The following ATP11A variants were observed in gnomAD, a reference collection of about 807,000 sequenced individuals.
ATP11A encodes the protein ATPase phospholipid transporting 11A.
ATP11A carries 81 observed loss-of-function variants against 154.4 expected under a neutral mutation model. That is an observed-to-expected ratio of 0.52 (90% CI 0.44 to 0.63). ATP11A has a LOEUF of 0.63. Among genes scored for constraint, ATP11A ranks in the 30% least tolerant of loss-of-function variants. ATP11A has a pLI of 0.00. For missense variants in ATP11A, 1,316 were observed against 1,474.3 expected (o/e 0.89, Z 1.76); for synonymous variants, 623 against 585.9 (o/e 1.06, Z -0.91).
chr13:112,792,677 T>C (rs899453666), intron 2 of ATP11A, among the ~76,000 whole-genome samples: 2 of 152,158 alleles, frequency 1.3e-5, no homozygotes, highest in Non-Finnish European at 2.9e-5. Context: ...TTGGGCAGTG[T>C]CAAAACCTGA....
intron 14 of ATP11A, among the ~76,000 whole-genome samples, 156 bp downstream of exon 14, chr13:112,833,179 C>T (rs1036586907): frequency 5.3e-5 from 8 of 152,166 alleles, no homozygotes; most frequent in East Asian, 1.9e-4. Flanking sequence ...TCTGGACCCC[C>T]GTCCCTGTAT....
At position 112,696,616 on chromosome 13, in the gene ATP11A, T is replaced by C. The variant is rs1312323466; in HGVS notation, c.39+6161T>C. Among the ~76,000 whole-genome samples, 2 of 152,118 alleles carry C rather than the reference T, an allele frequency of 1.3e-5. No homozygotes were observed. The highest frequency in any genetic ancestry group is 6.5e-5 in the Admixed American group (1 of 15,278). ...TCATTTTTGGCTTCCAGCTACCGTTTTTCTTAGGTTACCCCGCGTAGCTGG... is the reference window on the plus strand; with the variant it reads ...TCATTTTTGGCTTCCAGCTACCGTTCTTCTTAGGTTACCCCGCGTAGCTGG... On this transcript the variant is annotated intron_variant, in intron 1 of 29. Transcript: ENST00000375645. This position sits in a 1 kb window ranked among gnomAD's most constrained non-coding sequence, Gnocchi z 6.2.
intron 17 of ATP11A, among the ~76,000 whole-genome samples, chr13:112,846,023 G>A (rs1470178883): frequency 6.6e-6 from 1 of 152,208 alleles, no homozygotes; most frequent in Non-Finnish European, 1.5e-5. Flanking sequence ...CGTGTCTGGG[G>A]CTGAGCCGAT....
At chr13:112,862,391 CG>C (rs750175189) in intron 24 of ATP11A, 48 bp from the exon 25 acceptor site, 1 of 1,606,968 alleles carries the variant, frequency 6.2e-7, no homozygotes. Flanking sequence ...GGGGAGGTGC[CG>C]GGCCCTGATT....
At chr13:112,821,993 A>G (rs1320478792) in intron 8 of ATP11A, among the ~76,000 whole-genome samples, 1 of 152,200 alleles carries the variant, frequency 6.6e-6, no homozygotes, top group Non-Finnish European at 1.5e-5. Flanking sequence ...AGCCTGGGGT[A>G]GACAGCCCCA....
At chr13:112,751,355 T>C (rs2076686339) in intron 1 of ATP11A, among the ~76,000 whole-genome samples, 1 of 152,028 alleles carries the variant, frequency 6.6e-6, no homozygotes, top group African/African-American at 2.4e-5. Flanking sequence ...GAGCTCTTTT[T>C]ATATTAAATA....
chr13:112,705,701 C>G (rs1382005960), intron 1 of ATP11A, among the ~76,000 whole-genome samples: 1 of 152,180 alleles, frequency 6.6e-6, no homozygotes, highest in African/African-American at 2.4e-5. Flanking sequence ...CTTTAGTTTT[C>G]TTGCTCACAA....
At chr13:112,827,002 C>T (rs997844132) in intron 12 of ATP11A, 111 bp downstream of exon 12, 6 of 1,070,170 alleles carry the variant, frequency 5.6e-6, no homozygotes, top group East Asian at 5.1e-5. Context: ...CTGTAGCTGG[C>T]GTAAGACAGC....
intron 8 of ATP11A, among the ~76,000 whole-genome samples, chr13:112,822,928 C>G (rs898513132): frequency 1.3e-5 from 2 of 152,142 alleles, no homozygotes; most frequent in Non-Finnish European, 2.9e-5. Flanking sequence ...CTCGGTAGGC[C>G]TGGGACGATC....
intron 15 of ATP11A, among the ~76,000 whole-genome samples, chr13:112,834,880 G>GAT (rs2079190281): frequency 6.6e-6 from 1 of 152,240 alleles, no homozygotes; most frequent in South Asian, 2.1e-4. Context: ...GCTTCCCCTG[G>GAT]ATGGTTTTTC....
intron 17 of ATP11A, among the ~76,000 whole-genome samples, chr13:112,848,612 G>C (rs147800020): frequency 5.0e-4 from 76 of 152,308 alleles, no homozygotes; most frequent in African/African-American, 1.8e-3. Flanking sequence ...GCAAAAGCAG[G>C]CATCCCTGTC....
chr13:112,874,017 C>T (rs2080634879), intron 27 of ATP11A, among the ~76,000 whole-genome samples: 1 of 152,228 alleles, frequency 6.6e-6, no homozygotes. Context: ...CATTTGAAAC[C>T]TGGAAGAAGA....
rs74118308 is a variant in ATP11A, at chr13:112,831,500, G to T, written c.1347G>T (p.Glu449Asp). 2 of 1,614,204 alleles carry T rather than the reference G, an allele frequency of 1.2e-6. No individual in the cohort carries two copies. Among genetic ancestry groups the T allele is most frequent in the South Asian group, 2.2e-5 (2 of 91,080 alleles). ...TCTGCAACGGGCAGGTCCTCCCAGA[G>T]TCGTCAGGAATCGACATGATTGACT... ...HVICNGQVLP[E>D]SSGIDMIDSS... Residue 449 changes from glutamate (E) to aspartate (D), a missense_variant, in exon 13 of 30, where the codon GAG becomes GAT. This residue lies in a region of ATP11A where 876 missense variants were observed against 1,006.8 expected (regional missense o/e 0.87). Transcript: ENST00000375645.
chr13:112,790,092 ACC>A, intron 2 of ATP11A, among the ~76,000 whole-genome samples: 1 of 148,820 alleles, frequency 6.7e-6, no homozygotes. Context: ...TCCTATGTAG[ACC>A]TATTTAATTC....
chr13:112,878,089 G>A (rs2080783107), intron 28 of ATP11A, 128 bp from the exon 29 acceptor site: 1 of 878,406 alleles, frequency 1.1e-6, no homozygotes. Flanking sequence ...GCGAGCCTCT[G>A]ACTAACTCAG....
chr13:112,691,565 G>A (rs1036983541), intron 1 of ATP11A, among the ~76,000 whole-genome samples: 1 of 151,632 alleles, frequency 6.6e-6, no homozygotes, highest in Admixed American at 6.6e-5. Flanking sequence ...TTGCACAAGA[G>A]GCTTCATTGT....
chr13:112,702,390 G>A (rs1886663802), intron 1 of ATP11A, among the ~76,000 whole-genome samples: 1 of 150,636 alleles, frequency 6.6e-6, no homozygotes, highest in Admixed American at 6.6e-5. Flanking sequence ...AGACACCGTA[G>A]CAACCACACG....
chr13:112,758,446 CAG>C (rs1207647969), intron 1 of ATP11A, among the ~76,000 whole-genome samples: 1 of 147,784 alleles, frequency 6.8e-6, no homozygotes, highest in African/African-American at 2.5e-5. Flanking sequence ...TTTTTTGAGA[CAG>C]AGTCTCTCTC....
At chr13:112,761,497 T>C (rs760638310) in intron 1 of ATP11A, among the ~76,000 whole-genome samples, 4 of 152,184 alleles carry the variant, frequency 2.6e-5, no homozygotes, top group Non-Finnish European at 5.9e-5. Flanking sequence ...GGGGTGTGTG[T>C]TCATAGGGAA....
Sources: gnomAD v4.1 joint callset for allele counts (sites outside exome capture counted in the v4.1 genomes callset) on GRCh38, gnomAD v4.1.1 for gene constraint, gnomAD v4.1.1 regional missense constraint, Gnocchi (gnomAD v3.1) non-coding constraint, MANE v1.5 for transcripts, NCBI Gene and HGNC (gene_info 2026-07-23, HGNC 2026-07-21) for gene names.